MBOAT2: variants seen among roughly 807,000 people sequenced by gnomAD.
The protein encoded by MBOAT2 is membrane bound glycerophospholipid O-acyltransferase 2, also known as membrane-bound glycerophospholipid O-acyltransferase 2.
MBOAT2 carries 28 observed loss-of-function variants against 63.4 expected under a neutral mutation model. The observed-to-expected ratio is 0.44, with a 90% CI of 0.33 to 0.61. The LOEUF (loss-of-function observed/expected upper bound fraction) is 0.61, where lower values mean the gene tolerates loss of function less well. Among genes scored for constraint, MBOAT2 ranks in the 20% least tolerant of loss-of-function variants. The pLI, the probability that MBOAT2 is intolerant of heterozygous loss-of-function variation, is 0.03. For missense variants in MBOAT2, 470 were observed against 605.8 expected, an observed-to-expected ratio of 0.78 and a Z score of 2.35; for synonymous variants, 211 against 215.6, an observed-to-expected ratio of 0.98 and a Z score of 0.19.
At chr2:8,996,105 G>A (rs78253308) in intron 1 of MBOAT2, among the ~76,000 whole-genome samples, 3 of 152,296 alleles carry the variant, frequency 2.0e-5, no homozygotes, top group African/African-American at 7.2e-5. Context: ...TGGTCTCAGA[G>A]CCACACTTTA....
intron 3 of MBOAT2, among the ~76,000 whole-genome samples, chr2:8,923,200 C>T (rs1213436628): frequency 6.6e-6 from 1 of 152,224 alleles, no homozygotes; most frequent in Non-Finnish European, 1.5e-5. Context: ...CACACCTAAA[C>T]CATGACCTGC....
chr2:8,912,299 A>AAAAGAAAGAAAAG (rs1665771014), intron 3 of MBOAT2, among the ~76,000 whole-genome samples: 1 of 46,844 alleles, frequency 2.1e-5, no homozygotes, highest in Non-Finnish European at 4.2e-5. Context: ...GAAAAGAAAG[A>AAAAGAAAGAAAAG]AAAGAAAGAA....
intron 2 of MBOAT2, among the ~76,000 whole-genome samples, chr2:8,955,358 C>T (rs1669140370): frequency 1.3e-5 from 2 of 152,156 alleles, no homozygotes; most frequent in African/African-American, 4.8e-5. Context: ...CTGGGTTGCT[C>T]AGATCCCCAG....
intron 3 of MBOAT2, among the ~76,000 whole-genome samples, chr2:8,937,046 G>A (rs1667720094): frequency 1.3e-5 from 2 of 152,158 alleles, no homozygotes; most frequent in Admixed American, 1.3e-4. Context: ...GGCTCCCTAT[G>A]TTCGGCCCTT....
intron 3 of MBOAT2, among the ~76,000 whole-genome samples, chr2:8,910,643 T>G (rs1482931257): frequency 6.6e-6 from 1 of 152,004 alleles, no homozygotes; most frequent in Admixed American, 6.6e-5. Flanking sequence ...TAAAAAAAAG[T>G]TTTTAAGAAC....
chr2:8,863,834 G>A (rs1235670088), intron 10 of MBOAT2, among the ~76,000 whole-genome samples: 1 of 152,198 alleles, frequency 6.6e-6, no homozygotes, highest in African/African-American at 2.4e-5. Context: ...TGCTTGTGCA[G>A]GCACTTGTTA....
rs1169142994 is a variant in MBOAT2 at position 8,864,223 on chromosome 2, A to G, written c.999T>C (p.Ser333=). Reference sequence around the variant, plus strand: ...TCCAATTATCAAGAAACATCTTGAAACTTGTTGACATCTGAAAAAAAAGGA... The same window carrying G: ...TCCAATTATCAAGAAACATCTTGAAGCTTGTTGACATCTGAAAAAAAAGGA... The part of the protein sequence containing the change: ...LRIQQIEMST[S]FKMFLDNWNI... Residue 333 remains serine, a synonymous_variant, in exon 10 of 13, where the codon AGT becomes AGC. Transcript: ENST00000305997. The G allele has an allele frequency of 1.3e-6, 2 of 1,573,788 alleles. No individual in the cohort carries two copies.
intron 2 of MBOAT2, among the ~76,000 whole-genome samples, chr2:8,954,394 TG>T (rs1432838402): frequency 6.6e-6 from 1 of 152,008 alleles, no homozygotes; most frequent in East Asian, 1.9e-4. Flanking sequence ...TGCTCAGCCC[TG>T]GGGGGCAGGG....
chr2:8,962,875 A>T (rs933651200), intron 1 of MBOAT2, among the ~76,000 whole-genome samples: 19 of 152,266 alleles, frequency 1.2e-4, no homozygotes, highest in African/African-American at 4.6e-4. Context: ...CACACATGGG[A>T]TATGTAACAA....
chr2:8,921,264 G>C (rs1047320014), intron 3 of MBOAT2, among the ~76,000 whole-genome samples: 2 of 151,914 alleles, frequency 1.3e-5, no homozygotes, highest in African/African-American at 4.8e-5. Flanking sequence ...GATTGCTCTA[G>C]GAATTACTAT....
intron 7 of MBOAT2, 168 bp downstream of exon 7, chr2:8,876,862 T>C: frequency 3.5e-6 from 2 of 577,662 alleles, no homozygotes; most frequent in South Asian, 5.8e-5. Flanking sequence ...CTTATTTGTG[T>C]TCTTAATCAT....
At chr2:8,906,679 T>A (rs932421906) in intron 4 of MBOAT2, among the ~76,000 whole-genome samples, 33 of 152,230 alleles carry the variant, frequency 2.2e-4, no homozygotes, top group African/African-American at 7.7e-4. Context: ...GAATTTGGAA[T>A]AGCTGACGAG....
intron 2 of MBOAT2, among the ~76,000 whole-genome samples, chr2:8,951,811 A>T (rs1445997779): frequency 6.6e-6 from 1 of 151,302 alleles, no homozygotes; most frequent in African/African-American, 2.4e-5. Context: ...GCTTATTTGG[A>T]TTTTCTCTCT....
At chr2:8,869,844 T>C (rs1662185623) in intron 8 of MBOAT2, among the ~76,000 whole-genome samples, 2 of 152,216 alleles carry the variant, frequency 1.3e-5, no homozygotes, top group African/African-American at 2.4e-5. Flanking sequence ...CACTTCTGAT[T>C]TGTTCATGTA....
intron 4 of MBOAT2, among the ~76,000 whole-genome samples, chr2:8,899,745 C>T (rs573950300): frequency 6.6e-6 from 1 of 152,214 alleles, no homozygotes; most frequent in Non-Finnish European, 1.5e-5. Flanking sequence ...GATTGGCCTG[C>T]TCCATTTTCT....
intron 3 of MBOAT2, among the ~76,000 whole-genome samples, chr2:8,912,379 GAAAGAA>G (rs1269201300): frequency 8.9e-4 from 98 of 110,082 alleles, no homozygotes; most frequent in Non-Finnish European, 1.5e-3. Flanking sequence ...GAAAGAGAAA[GAAAGAA>G]AGAAAGAAAG....
intron 4 of MBOAT2, among the ~76,000 whole-genome samples, chr2:8,896,909 G>A (rs989822525): frequency 4.1e-5 from 5 of 122,522 alleles, no homozygotes; most frequent in East Asian, 1.9e-4. Flanking sequence ...TTTAGATCCC[G>A]TTAGGAAACC....
intron 4 of MBOAT2, among the ~76,000 whole-genome samples, chr2:8,900,251 T>A (rs1296877550): frequency 1.3e-5 from 2 of 152,212 alleles, no homozygotes; most frequent in Admixed American, 6.5e-5. Context: ...AGGGAATTTG[T>A]CCCTTTCTTC....
intron 8 of MBOAT2, among the ~76,000 whole-genome samples, chr2:8,869,268 A>G (rs924734941): frequency 1.4e-5 from 2 of 146,288 alleles, no homozygotes; most frequent in Non-Finnish European, 3.0e-5. Flanking sequence ...GGTGGTCTCG[A>G]ACTCCTGGCC....
Sources: allele counts gnomAD v4.1 joint callset (sites outside exome capture counted in the v4.1 genomes callset), GRCh38; gene constraint gnomAD v4.1.1; transcripts MANE v1.5; gene names NCBI Gene and HGNC (gene_info 2026-07-23, HGNC 2026-07-21).